ARHGEF28: variants seen among roughly 807,000 people sequenced by gnomAD.
ARHGEF28 encodes the protein 190 kDa guanine nucleotide exchange factor.
A neutral mutation model predicts 206.6 loss-of-function variants in ARHGEF28; 152 were observed. That is an observed-to-expected ratio of 0.74 (90% CI 0.64 to 0.84). The LOEUF (loss-of-function observed/expected upper bound fraction) is 0.84, where lower values mean the gene tolerates loss of function less well. Ranked by LOEUF, ARHGEF28 falls within the 40% of genes least tolerant of loss-of-function variation. ARHGEF28 has a pLI of 0.00. For missense variants in ARHGEF28, 2,028 were observed against 2,073.2 expected, an observed-to-expected ratio of 0.98 and a Z score of 0.42; for synonymous variants, 763 against 776.4, an observed-to-expected ratio of 0.98 and a Z score of 0.29.
At chr5:73,790,597 A>G (rs539315167) in intron 7 of ARHGEF28, among the ~76,000 whole-genome samples, 1 of 152,066 alleles carries the variant, frequency 6.6e-6, no homozygotes, top group East Asian at 1.9e-4. Flanking sequence ...ATATTTCTGT[A>G]AATAAGTGCC....
chr5:73,790,510 C>T (rs1229305954), intron 7 of ARHGEF28, among the ~76,000 whole-genome samples: 36 of 152,122 alleles, frequency 2.4e-4, no homozygotes, highest in Non-Finnish European at 2.9e-5. Flanking sequence ...TCCCCAGCTG[C>T]TGCTCAGTAG....
chr5:73,730,534 ATTTTT>A (rs968990208), intron 2 of ARHGEF28, among the ~76,000 whole-genome samples: 3 of 117,392 alleles, frequency 2.6e-5, no homozygotes, highest in African/African-American at 1.1e-4. Context: ...CATAAGGAGG[ATTTTT>A]TTTTTTTTTT....
chr5:73,760,613 T>C (rs1752551484), intron 4 of ARHGEF28, among the ~76,000 whole-genome samples: 1 of 152,228 alleles, frequency 6.6e-6, no homozygotes, highest in Admixed American at 6.5e-5. Flanking sequence ...TAAAATTGTT[T>C]TACAGTTCTC....
Position 73,911,284 on chromosome 5 carries a change from CTTAATCGATCT to C in ARHGEF28, c.4658_4668del (p.Leu1553ArgfsTer6). 6.3e-7 allele frequency: 1 copy of C among 1,587,806 alleles called. No homozygotes were observed. Among genetic ancestry groups the C allele is most frequent in the Non-Finnish European group, 8.6e-7 (1 of 1,165,086 alleles). On this transcript the variant is annotated frameshift_variant, in exon 35 of 36. Transcript: ENST00000513042. LOFTEE classifies it high-confidence loss of function. ...CTGTTTCTTTACACAGGTAATGGAA[CTTAATCGATCT>C]GAGAGTTTATGTCATGAAAACTCAT...
At chr5:73,626,942 G>A (rs140336527) in intron 1 of ARHGEF28, among the ~76,000 whole-genome samples, 1 of 152,326 alleles carries the variant, frequency 6.6e-6, no homozygotes, top group African/African-American at 2.4e-5. Context: ...GGTGTATGTG[G>A]TGGTGCCCCA....
intron 35 of ARHGEF28, among the ~76,000 whole-genome samples, chr5:73,928,716 T>C (rs2112010575): frequency 2.0e-5 from 3 of 152,334 alleles, no homozygotes; most frequent in Middle Eastern, 6.8e-3. Context: ...TTTTCTTCTC[T>C]CAGCAAAATG....
intron 9 of ARHGEF28, among the ~76,000 whole-genome samples, chr5:73,820,892 G>A (rs1279348382): frequency 1.3e-5 from 2 of 152,106 alleles, no homozygotes; most frequent in South Asian, 2.1e-4. Context: ...GCTTGGTAAT[G>A]GTTGTCCTCA....
intron 9 of ARHGEF28, 187 bp downstream of exon 9, chr5:73,795,578 T>A (rs542569219): frequency 1.7e-5 from 9 of 514,402 alleles, no homozygotes; most frequent in Admixed American, 1.5e-4. Context: ...AGGTTGAGAC[T>A]CCATTTACAA....
chr5:73,698,960 C>A (rs1748397947), intron 2 of ARHGEF28, among the ~76,000 whole-genome samples: 1 of 152,034 alleles, frequency 6.6e-6, no homozygotes, highest in African/African-American at 2.4e-5. Context: ...GAGGGCAGTG[C>A]TGGCATTGGA....
chr5:73,742,318 T>C (rs973387551), intron 2 of ARHGEF28, among the ~76,000 whole-genome samples: 2 of 152,144 alleles, frequency 1.3e-5, no homozygotes, highest in African/African-American at 4.8e-5. Context: ...ATTGCTGATA[T>C]AGTTGGATGT....
intron 35 of ARHGEF28, among the ~76,000 whole-genome samples, chr5:73,928,853 G>A (rs2931428): frequency 0.88 from 134,279 of 151,974 alleles, 59,567 homozygotes; most frequent in East Asian, 0.98. Flanking sequence ...AGAGTCATGA[G>A]AATACTACCC....
At chr5:73,875,995 A>G (rs201656975) in intron 22 of ARHGEF28, among the ~76,000 whole-genome samples, 27,101 of 148,458 alleles carry the variant, frequency 0.18, 2,783 homozygotes, top group East Asian at 0.3. Context: ...CATTGAATCT[A>G]TAAATTACCT....
intron 35 of ARHGEF28, among the ~76,000 whole-genome samples, chr5:73,935,904 C>T (rs1764392711): frequency 6.6e-6 from 1 of 152,182 alleles, no homozygotes; most frequent in Admixed American, 6.5e-5. Context: ...GAGAACTGAA[C>T]AGCGCGTCAT....
At chr5:73,635,601 A>G (rs1743659118) in intron 1 of ARHGEF28, among the ~76,000 whole-genome samples, 1 of 152,222 alleles carries the variant, frequency 6.6e-6, no homozygotes, top group African/African-American at 2.4e-5. Flanking sequence ...GTAGTGTAGT[A>G]GGGAAATTAA....
At chr5:73,889,098 TA>T (rs375212168) in intron 26 of ARHGEF28, among the ~76,000 whole-genome samples, 4 of 152,326 alleles carry the variant, frequency 2.6e-5, no homozygotes, top group African/African-American at 9.6e-5. Flanking sequence ...ACAAATATCT[TA>T]TAGTTAACAC....
rs1762408247 is a variant in ARHGEF28 at position 73,903,922 on chromosome 5, G to A, written c.4075-300G>A. 7.2e-6 allele frequency: 3 copies of A among 419,378 alleles called. No homozygotes were observed. The South Asian group carries it at 1.1e-4, about 15-fold the overall frequency. The allele number at this position is 419,378 out of a possible 1,614,324, so 26.0% of individuals were successfully genotyped here. A position where few individuals can be genotyped will look rare whatever the true frequency, so the allele number is the denominator to read the frequency against. Reference sequence around the variant, plus strand: ...ACATTGTGGTTTGCACAAGGTAAATGTTGTTACTTGAGTTTTCAGGGTGTC... The same window carrying A: ...ACATTGTGGTTTGCACAAGGTAAATATTGTTACTTGAGTTTTCAGGGTGTC... On this transcript the variant is annotated intron_variant, in intron 31 of 35. Transcript: ENST00000513042.
In ARHGEF28 at chr5:73,892,248, C is replaced by T. The variant is rs1761687388; in HGVS notation, c.3566+18C>T. ...GTAGAAAGGTAACATTTCCTTCCGT[C>T]CATAATCTATGGAACAGAGTTGTTC... On this transcript the variant is annotated intron_variant, in intron 27 of 35. Coordinates refer to ENST00000513042, the MANE Select transcript of ARHGEF28 (RefSeq NM_001177693.2). 6.4e-7 allele frequency: 1 copy of T among 1,551,722 alleles called. No homozygotes were observed.
At chr5:73,829,679 C>T (rs1295125592) in intron 9 of ARHGEF28, among the ~76,000 whole-genome samples, 1 of 152,154 alleles carries the variant, frequency 6.6e-6, no homozygotes, top group African/African-American at 2.4e-5. Context: ...CGCGCCTGGC[C>T]TTCCCTTCTA....
chr5:73,820,856 C>T (rs1215287943), intron 9 of ARHGEF28, among the ~76,000 whole-genome samples: 1 of 152,100 alleles, frequency 6.6e-6, no homozygotes, highest in Non-Finnish European at 1.5e-5. Flanking sequence ...GGCCCTGCTG[C>T]TTGACCTTTT....
Sources: gnomAD v4.1 joint callset for allele counts (sites outside exome capture counted in the v4.1 genomes callset) on GRCh38, gnomAD v4.1.1 for gene constraint, MANE v1.5 for transcripts, NCBI Gene and HGNC (gene_info 2026-07-23, HGNC 2026-07-21) for gene names.